LRRC4C: variants seen among roughly 807,000 people sequenced by gnomAD.
The protein encoded by LRRC4C is leucine-rich repeat-containing protein 4C.
Under a neutral mutation model 33.6 loss-of-function variants are expected in LRRC4C, and 5 were observed. The observed-to-expected ratio is 0.15, with a 90% CI of 0.08 to 0.31. The LOEUF (loss-of-function observed/expected upper bound fraction) is 0.31. Ranked by LOEUF, LRRC4C falls within the 10% of genes least tolerant of loss-of-function variation. The pLI, the probability that LRRC4C is intolerant of heterozygous loss-of-function variation, is 1.00. For synonymous variants in LRRC4C, 329 were observed against 302.0 expected (o/e 1.09, Z -0.93); for missense variants, 560 against 796.7 (o/e 0.70, Z 3.58).
intron 1 of LRRC4C, among the ~76,000 whole-genome samples, chr11:41,262,077 G>A (rs1369606808): frequency 1.3e-5 from 2 of 152,032 alleles, no homozygotes; most frequent in Non-Finnish European, 2.9e-5. Flanking sequence ...ACTTTAGAGA[G>A]TAGGAAATGA....
chr11:41,433,741 G>A (rs565788493), intron 1 of LRRC4C, among the ~76,000 whole-genome samples: 20 of 151,962 alleles, frequency 1.3e-4, no homozygotes, highest in Middle Eastern at 3.4e-3. Flanking sequence ...GCTTGCAGAC[G>A]GCCTATTGTG....
chr11:40,641,397 C>G (rs778786415), intron 3 of LRRC4C, among the ~76,000 whole-genome samples: 3 of 152,102 alleles, frequency 2.0e-5, no homozygotes, highest in Non-Finnish European at 4.4e-5. Flanking sequence ...CATCCTTCTT[C>G]AAACCCCACT....
At chr11:41,100,411 C>T (rs968911541) in intron 1 of LRRC4C, among the ~76,000 whole-genome samples, 2 of 151,832 alleles carry the variant, frequency 1.3e-5, no homozygotes, top group African/African-American at 4.8e-5. Flanking sequence ...ACTAAAAATA[C>T]AAAAAAGTAG....
intron 1 of LRRC4C, among the ~76,000 whole-genome samples, chr11:41,257,358 C>G (rs142209885): frequency 1.3e-5 from 2 of 151,930 alleles, no homozygotes; most frequent in African/African-American, 4.8e-5. Flanking sequence ...GCAGCCCCAC[C>G]ATCAGGCTGA....
At chr11:41,369,979 T>G (rs2137768942) in intron 1 of LRRC4C, among the ~76,000 whole-genome samples, 1 of 152,266 alleles carries the variant, frequency 6.6e-6, no homozygotes, top group East Asian at 1.9e-4. Flanking sequence ...GAAACAAAAT[T>G]TTGAATTATT....
At chr11:41,419,264 C>G (rs1431275571) in intron 1 of LRRC4C, among the ~76,000 whole-genome samples, 1 of 151,862 alleles carries the variant, frequency 6.6e-6, no homozygotes, top group South Asian at 2.1e-4. Context: ...TCTAAATAAC[C>G]CTGACCCATG....
intron 3 of LRRC4C, among the ~76,000 whole-genome samples, chr11:40,378,710 G>T (rs1948750608): frequency 6.6e-6 from 1 of 152,080 alleles, no homozygotes; most frequent in Admixed American, 6.6e-5. Flanking sequence ...TCCCTTCCAA[G>T]TTGGAGTTAA....
chr11:40,320,097 T>C (rs1945767178), intron 3 of LRRC4C, among the ~76,000 whole-genome samples: 1 of 152,180 alleles, frequency 6.6e-6, no homozygotes, highest in Non-Finnish European at 1.5e-5. Context: ...AATAGCTTAT[T>C]GTACATAAAT....
At chr11:40,491,497 G>A (rs1954151971) in intron 3 of LRRC4C, among the ~76,000 whole-genome samples, 1 of 152,092 alleles carries the variant, frequency 6.6e-6, no homozygotes, top group Non-Finnish European at 1.5e-5. Context: ...GAGGCTTGGG[G>A]TTCTCTTTCA....
In LRRC4C at chr11:40,913,654, G is replaced by A. The variant is rs189568851; in HGVS notation, c.-407+19981C>T. On this transcript the variant is annotated intron_variant, in intron 2 of 6. Coordinates refer to ENST00000528697, the MANE Select transcript of LRRC4C (RefSeq NM_001258419.2). ...TTAAAGGAACTTGAGAAGCAAGAGC[G>A]AACACATTCAAAAGCTAGCAAAAGG... 5.1e-4 allele frequency among the ~76,000 whole-genome samples: 77 copies of A among 151,996 alleles called. No individual in the cohort carries two copies. The East Asian group carries it at 0.011, about 21-fold the overall frequency.
chr11:40,226,650 G>A (rs1319669680), intron 5 of LRRC4C, among the ~76,000 whole-genome samples: 1 of 152,148 alleles, frequency 6.6e-6, no homozygotes, highest in South Asian at 2.1e-4. Context: ...GTTGCACAGA[G>A]CACTGGGTCT....
At chr11:40,967,637 A>G (rs1028126482) in intron 1 of LRRC4C, among the ~76,000 whole-genome samples, 59 of 151,998 alleles carry the variant, frequency 3.9e-4, no homozygotes, top group Non-Finnish European at 1.5e-4. Context: ...TTCTGATGTT[A>G]CTATTTTAAT....
At chr11:41,254,198 A>G (rs1446563768) in intron 1 of LRRC4C, among the ~76,000 whole-genome samples, 1 of 152,066 alleles carries the variant, frequency 6.6e-6, no homozygotes, top group African/African-American at 2.4e-5. Flanking sequence ...ATGAAAAGGC[A>G]TGGGAGGCAT....
intron 1 of LRRC4C, among the ~76,000 whole-genome samples, chr11:41,199,580 T>C (rs184206631): frequency 6.6e-6 from 1 of 152,246 alleles, no homozygotes; most frequent in African/African-American, 2.4e-5. Context: ...ACTTCTTAGA[T>C]AGGTGTGTCA....
intron 3 of LRRC4C, among the ~76,000 whole-genome samples, chr11:40,548,110 G>T (rs1956997972): frequency 6.6e-6 from 1 of 152,064 alleles, no homozygotes; most frequent in African/African-American, 2.4e-5. Context: ...TTGGGGAATT[G>T]AGGTGTGTTT....
chr11:41,230,695 G>C, intron 1 of LRRC4C, among the ~76,000 whole-genome samples: 1 of 151,838 alleles, frequency 6.6e-6, no homozygotes, highest in East Asian at 1.9e-4. Context: ...TATAGGCATG[G>C]GCAAGGACTT....
intron 5 of LRRC4C, among the ~76,000 whole-genome samples, chr11:40,167,546 T>C (rs1491002576): frequency 6.6e-6 from 1 of 152,132 alleles, no homozygotes; most frequent in Non-Finnish European, 1.5e-5. Context: ...TTCTCAGTTT[T>C]CCACTTTGGG....
chr11:41,286,719 T>C (rs898849661), intron 1 of LRRC4C, among the ~76,000 whole-genome samples: 16 of 150,230 alleles, frequency 1.1e-4, no homozygotes, highest in Admixed American at 2.0e-4. Context: ...GCTTTTAGAA[T>C]TGACATTTAC....
At chr11:40,347,125 C>A (rs1275110005) in intron 3 of LRRC4C, among the ~76,000 whole-genome samples, 1 of 152,172 alleles carries the variant, frequency 6.6e-6, no homozygotes, top group African/African-American at 2.4e-5. Flanking sequence ...GGTTGTTTGT[C>A]TACTTGGACA....
Sources: allele counts gnomAD v4.1 joint callset (sites outside exome capture counted in the v4.1 genomes callset), GRCh38; gene constraint gnomAD v4.1.1; transcripts MANE v1.5; gene names NCBI Gene and HGNC (gene_info 2026-07-23, HGNC 2026-07-21).